ANK1: variants seen among roughly 807,000 people sequenced by gnomAD.
ANK1 encodes the protein ankyrin-1.
A neutral mutation model predicts 210.4 loss-of-function variants in ANK1; 51 were observed. That is an observed-to-expected ratio of 0.24 (90% CI 0.19 to 0.31). The LOEUF (loss-of-function observed/expected upper bound fraction) is 0.31. Among genes scored for constraint, ANK1 ranks in the 10% least tolerant of loss-of-function variants. The probability of loss-of-function intolerance (pLI) is 1.00; values close to 1 mark genes in which losing one functional copy is unlikely to be tolerated. For synonymous variants in ANK1, 967 were observed against 1,025.9 expected, an observed-to-expected ratio of 0.94 and a Z score of 1.10; for missense variants, 2,051 against 2,504.4, an observed-to-expected ratio of 0.82 and a Z score of 3.86.
chr8:41,686,030 G>T, intron 36 of ANK1, 122 bp downstream of exon 36: 1 of 1,471,978 alleles, frequency 6.8e-7, no homozygotes, highest in Non-Finnish European at 9.5e-7. Flanking sequence ...GCGTGAGTGT[G>T]TGTGAGAGAG....
Position 41,863,789 on chromosome 8 carries a change from C to T in ANK1, c.126+32566G>A, listed in dbSNP as rs115070299. ...AGAGGTTCTGTGCTGGGGCCGGGAA[C>T]AGAGGCTCCCCTACCTCCCACAATA... On this transcript the variant is annotated intron_variant, in intron 1 of 42. Coordinates refer to the ANK1 transcript ENST00000265709. Among the ~76,000 whole-genome samples, 772 of 152,318 alleles carry T rather than the reference C, an allele frequency of 5.1e-3. 8 individuals are homozygous for T. The highest frequency in any genetic ancestry group is 0.018 in the African/African-American group (742 of 41,562).
intron 36 of ANK1, 35 bp from the exon 37 acceptor site, chr8:41,684,725 G>T: frequency 6.2e-7 from 1 of 1,608,040 alleles, no homozygotes. Context: ...CGTTACTCCA[G>T]GCCGGTGAGC....
intron 1 of ANK1, among the ~76,000 whole-genome samples, chr8:41,761,832 AG>A (rs1051906639): frequency 4.6e-5 from 7 of 152,104 alleles, no homozygotes; most frequent in South Asian, 2.1e-4. Flanking sequence ...CCTTCCAGAC[AG>A]GGGGTCCTCC....
chr8:41,723,799 T>TTTTTTA (rs1829972691), intron 7 of ANK1, among the ~76,000 whole-genome samples, 166 bp from the exon 8 acceptor site: 1 of 150,022 alleles, frequency 6.7e-6, no homozygotes, highest in Non-Finnish European at 1.5e-5. Context: ...TTTATTTTTT[T>TTTTTTA]TTTTTTTTGA....
chr8:41,809,922 G>A (rs1802228383), intron 1 of ANK1, among the ~76,000 whole-genome samples: 1 of 152,190 alleles, frequency 6.6e-6, no homozygotes, highest in Non-Finnish European at 1.5e-5. Context: ...AATCAGTCCT[G>A]TTGTTTCAGG....
chr8:41,760,898 C>T (rs1840235094), intron 1 of ANK1, among the ~76,000 whole-genome samples: 1 of 151,860 alleles, frequency 6.6e-6, no homozygotes, highest in Admixed American at 6.6e-5. Flanking sequence ...CTCTACATGC[C>T]CTCCTAAAAA....
chr8:41,856,958 T>C (rs1246472116), intron 1 of ANK1, among the ~76,000 whole-genome samples: 1 of 144,364 alleles, frequency 6.9e-6, no homozygotes, highest in African/African-American at 2.6e-5. Context: ...CTCGGTTCAC[T>C]GCAACCTCCA....
At position 41,724,021 on chromosome 8, in the gene ANK1, C is replaced by G. The variant is rs558570871; in HGVS notation, c.712-388G>C. ...GCCAGGATGGTCTCGATCTCCTGAC[C>G]TCGTGATCCGCCCGTCTCGGCCTCC... On this transcript the variant is annotated intron_variant, in intron 7 of 42. Coordinates refer to ENST00000289734, the MANE Select transcript of ANK1 (RefSeq NM_000037.4). Among the ~76,000 whole-genome samples, 14 of 152,032 alleles carry G rather than the reference C, an allele frequency of 9.2e-5. No individual in the cohort carries two copies. The East Asian group carries it at 2.7e-3, about 29-fold the overall frequency.
chr8:41,755,045 C>T (rs1838771091), intron 2 of ANK1, among the ~76,000 whole-genome samples: 1 of 152,244 alleles, frequency 6.6e-6, no homozygotes, highest in South Asian at 2.1e-4. Flanking sequence ...GCAGTGTCCT[C>T]TTTAAGAGAG....
chr8:41,803,010 A>AAAGG (rs1850210762), intron 1 of ANK1, among the ~76,000 whole-genome samples: 1 of 94,676 alleles, frequency 1.1e-5, no homozygotes, highest in African/African-American at 4.6e-5. Context: ...AGAAAGAAAG[A>AAAGG]AAGAAAGAAA....
chr8:41,825,135 C>A (rs1805146465), intron 1 of ANK1, among the ~76,000 whole-genome samples: 1 of 152,248 alleles, frequency 6.6e-6, no homozygotes, highest in African/African-American at 2.4e-5. Context: ...GGAACTTCGG[C>A]CGCATTCTGC....
intron 4 of ANK1, 29 bp downstream of exon 4, chr8:41,727,879 C>A (rs1481331242): frequency 1.2e-6 from 2 of 1,610,978 alleles, no homozygotes; most frequent in African/African-American, 1.3e-5. Flanking sequence ...AAAGGCAACA[C>A]CCTCTAGTCC....
At chr8:41,763,388 T>TTA (rs958788604) in intron 1 of ANK1, among the ~76,000 whole-genome samples, 1 of 152,184 alleles carries the variant, frequency 6.6e-6, no homozygotes, top group African/African-American at 2.4e-5. Context: ...CTTTTAATTC[T>TTA]TATAACAACC....
chr8:41,705,718 C>G (rs1008806077), intron 18 of ANK1, among the ~76,000 whole-genome samples: 9 of 152,316 alleles, frequency 5.9e-5, no homozygotes, highest in Non-Finnish European at 1.2e-4. Context: ...CCACACCAAA[C>G]TGCAGACACC....
At chr8:41,879,832 G>C (rs1817275028) in intron 1 of ANK1, among the ~76,000 whole-genome samples, 1 of 152,246 alleles carries the variant, frequency 6.6e-6, no homozygotes, top group Admixed American at 6.5e-5. Flanking sequence ...CCATAAGAGA[G>C]GGGGAATAAT....
intron 16 of ANK1, among the ~76,000 whole-genome samples, chr8:41,710,800 G>T (rs1332892487): frequency 6.6e-6 from 1 of 152,194 alleles, no homozygotes; most frequent in Admixed American, 6.5e-5. Flanking sequence ...ATTCTGCCAG[G>T]ATCACTGGTC....
At chr8:41,858,587 C>T (rs115653199) in intron 1 of ANK1, among the ~76,000 whole-genome samples, 1,623 of 152,270 alleles carry the variant, frequency 0.011, 29 homozygotes, top group African/African-American at 0.037. Context: ...TGAGCACAGC[C>T]GCAGGGAGCC....
At chr8:41,659,889 G>C (rs916319830) in intron 42 of ANK1, among the ~76,000 whole-genome samples, 1 of 151,928 alleles carries the variant, frequency 6.6e-6, no homozygotes, top group African/African-American at 2.4e-5. Flanking sequence ...GAAATTCAAG[G>C]CTCCCTCCTT....
At chr8:41,849,411 CT>C (rs1810741333) in intron 1 of ANK1, among the ~76,000 whole-genome samples, 1 of 151,938 alleles carries the variant, frequency 6.6e-6, no homozygotes, top group South Asian at 2.1e-4. Context: ...ATAATCCCAG[CT>C]ACCAGGGAGG....
Sources: gnomAD v4.1 joint callset for allele counts (sites outside exome capture counted in the v4.1 genomes callset) on GRCh38, gnomAD v4.1.1 for gene constraint, MANE v1.5 for transcripts, NCBI Gene and HGNC (gene_info 2026-07-23, HGNC 2026-07-21) for gene names.